EPHA6: variants seen among roughly 807,000 people sequenced by gnomAD.
EPHA6 encodes ephrin type-A receptor 6.
In EPHA6, 50 loss-of-function variants were observed where a neutral mutation model predicts 112.0. That is an observed-to-expected ratio of 0.45 (90% CI 0.36 to 0.56). The LOEUF (loss-of-function observed/expected upper bound fraction) is 0.56. Among genes scored for constraint, EPHA6 ranks in the 20% least tolerant of loss-of-function variants. EPHA6 has a pLI of 0.00. For missense variants in EPHA6, 1,280 were observed against 1,417.4 expected, an observed-to-expected ratio of 0.90 and a Z score of 1.56; for synonymous variants, 529 against 490.7, an observed-to-expected ratio of 1.08 and a Z score of -1.03.
At chr3:97,459,542 A>T (rs533737111) in intron 7 of EPHA6, among the ~76,000 whole-genome samples, 1 of 152,150 alleles carries the variant, frequency 6.6e-6, no homozygotes, top group South Asian at 2.1e-4. Context: ...CTTGCTACTG[A>T]GGCTCAAATT....
chr3:97,252,906 T>A (rs891637485), intron 5 of EPHA6, among the ~76,000 whole-genome samples: 1 of 152,194 alleles, frequency 6.6e-6, no homozygotes, highest in Admixed American at 6.5e-5. Context: ...AGTGGTAATG[T>A]CACTGTTTTT....
intron 11 of EPHA6, among the ~76,000 whole-genome samples, chr3:97,586,806 C>T (rs1575978451): frequency 6.6e-6 from 1 of 152,150 alleles, no homozygotes; most frequent in Admixed American, 6.6e-5. Flanking sequence ...TAGCCCTTGG[C>T]ATTGCATTAG....
chr3:97,340,299 T>C (rs370831102), intron 5 of EPHA6, among the ~76,000 whole-genome samples: 46 of 152,122 alleles, frequency 3.0e-4, no homozygotes, highest in African/African-American at 1.1e-3. Context: ...GCCACCATCA[T>C]TGGAGCTCTG....
chr3:97,124,477 G>GAAAGAAAGAAAGAAAGAA (rs1197006100), intron 3 of EPHA6, among the ~76,000 whole-genome samples: 1 of 119,782 alleles, frequency 8.3e-6, no homozygotes, highest in African/African-American at 4.0e-5. Flanking sequence ...AAAAAAGAAA[G>GAAAGAAAGAAAGAAAGAA]AAAGAAAGAA....
intron 2 of EPHA6, among the ~76,000 whole-genome samples, chr3:96,938,347 G>A (rs2040723540): frequency 6.6e-6 from 1 of 151,436 alleles, no homozygotes; most frequent in African/African-American, 2.4e-5. Flanking sequence ...TGGATTCCTA[G>A]GTATTTTATT....
rs114900833 is a variant in EPHA6, at chr3:97,448,782, A to G, written c.1894+52A>G. 3.0e-3 allele frequency: 4,796 copies of G among 1,576,528 alleles called. 138 individuals carry two copies. In the African/African-American group the frequency reaches 0.056, roughly 18 times the overall value. ...AAGATGTGAATTTAGTATCATTCCA[A>G]TTTGACCTGATATTTTAAAACCAGG... On this transcript the variant is annotated intron_variant, in intron 7 of 17. Transcript: ENST00000389672.
intron 14 of EPHA6, among the ~76,000 whole-genome samples, chr3:97,710,815 T>G (rs910698800): frequency 1.3e-5 from 2 of 152,246 alleles, no homozygotes; most frequent in Non-Finnish European, 2.9e-5. Context: ...AGAATCACCC[T>G]TGTGTATACT....
intron 3 of EPHA6, among the ~76,000 whole-genome samples, chr3:97,172,881 T>A (rs2076738058): frequency 1.3e-5 from 2 of 151,952 alleles, no homozygotes; most frequent in Non-Finnish European, 2.9e-5. Context: ...AAATCAACAG[T>A]ATTTACATTT....
At chr3:97,663,726 G>A (rs1576234965) in intron 14 of EPHA6, among the ~76,000 whole-genome samples, 3 of 152,052 alleles carry the variant, frequency 2.0e-5, no homozygotes, top group Admixed American at 6.6e-5. Context: ...TCTTAATCCA[G>A]TCTATCATTG....
In EPHA6 at chr3:97,421,557, C is replaced by T. The variant is rs564488437; in HGVS notation, c.1731+16283C>T. Among the ~76,000 whole-genome samples the T allele has an allele frequency of 9.9e-5, 15 of 152,130 alleles. No homozygotes were observed. The South Asian group carries it at 2.9e-3, about 30-fold the overall frequency. On this transcript the variant is annotated intron_variant, in intron 6 of 17. Transcript: ENST00000389672. ...TTATCATAGAAAGATCAATTTTACCCCAAATGATGTGCAGCTTTAATGTCT... is the reference window on the plus strand; with the variant it reads ...TTATCATAGAAAGATCAATTTTACCTCAAATGATGTGCAGCTTTAATGTCT...
intron 11 of EPHA6, among the ~76,000 whole-genome samples, chr3:97,577,256 TA>T (rs2093395330): frequency 6.6e-6 from 1 of 152,076 alleles, no homozygotes; most frequent in African/African-American, 2.4e-5. Context: ...AACTGGAAAA[TA>T]AAATTGCAAA....
At chr3:96,945,155 A>T (rs1207731343) in intron 2 of EPHA6, among the ~76,000 whole-genome samples, 4 of 152,166 alleles carry the variant, frequency 2.6e-5, no homozygotes, top group Non-Finnish European at 5.9e-5. Context: ...CCAGAATTTG[A>T]TTGACTTTTA....
At chr3:97,427,316 T>C (rs79399029) in intron 6 of EPHA6, among the ~76,000 whole-genome samples, 9,540 of 152,108 alleles carry the variant, frequency 0.063, 894 homozygotes, top group African/African-American at 0.21. Context: ...GTAGAGTCAG[T>C]AAAAAATTAT....
chr3:97,334,478 C>CTTTTTTTTTTTTTTTTTTTTTT (rs1354125066), intron 5 of EPHA6, among the ~76,000 whole-genome samples: 5 of 128,064 alleles, frequency 3.9e-5, no homozygotes, highest in African/African-American at 5.9e-5. Flanking sequence ...TTTTTTTCTT[C>CTTTTTTTTTTTTTTTTTTTTTT]TTTTTTTTTT....
At chr3:97,471,663 T>C (rs771666040) in intron 7 of EPHA6, among the ~76,000 whole-genome samples, 2 of 151,690 alleles carry the variant, frequency 1.3e-5, no homozygotes, top group Non-Finnish European at 3.0e-5. Flanking sequence ...ACGTACATTG[T>C]ATAGCTACAC....
chr3:97,262,382 CAT>C (rs1239756029), intron 5 of EPHA6, among the ~76,000 whole-genome samples: 1 of 152,066 alleles, frequency 6.6e-6, no homozygotes, highest in Non-Finnish European at 1.5e-5. Context: ...CATCAATATT[CAT>C]ATGTTTATAA....
intron 3 of EPHA6, among the ~76,000 whole-genome samples, chr3:97,053,140 A>G (rs576071234): frequency 6.6e-6 from 1 of 152,252 alleles, no homozygotes; most frequent in African/African-American, 2.4e-5. Context: ...GAAGGTATGA[A>G]TGAGGTAATA....
At chr3:97,509,636 A>G (rs1335006077) in intron 10 of EPHA6, among the ~76,000 whole-genome samples, 1 of 151,474 alleles carries the variant, frequency 6.6e-6, no homozygotes, top group Non-Finnish European at 1.5e-5. Flanking sequence ...CTTCATTTCA[A>G]CCTTAGTGAA....
At chr3:96,912,253 C>T (rs1312476502) in intron 2 of EPHA6, among the ~76,000 whole-genome samples, 1 of 152,186 alleles carries the variant, frequency 6.6e-6, no homozygotes, top group East Asian at 1.9e-4. Flanking sequence ...GGTCGAATTT[C>T]AGTAGCCAAC....
Sources: gnomAD v4.1 joint callset for allele counts (sites outside exome capture counted in the v4.1 genomes callset) on GRCh38, gnomAD v4.1.1 for gene constraint, MANE v1.5 for transcripts, NCBI Gene and HGNC (gene_info 2026-07-23, HGNC 2026-07-21) for gene names.